TMEM117: variants seen among roughly 807,000 people sequenced by gnomAD.
The protein encoded by TMEM117 is transmembrane protein 117.
TMEM117 carries 27 observed loss-of-function variants against 52.4 expected under a neutral mutation model. That is an observed-to-expected ratio of 0.51 (90% CI 0.38 to 0.71). The LOEUF is 0.71. TMEM117 is among the 30% of genes least tolerant of loss of function. The pLI is 0.00. For synonymous variants in TMEM117, 215 were observed against 206.3 expected (o/e 1.04, Z -0.36); for missense variants, 556 against 630.5 (o/e 0.88, Z 1.26).
intron 4 of TMEM117, among the ~76,000 whole-genome samples, chr12:44,197,100 G>A (rs1949430900): frequency 6.6e-6 from 1 of 152,064 alleles, no homozygotes; most frequent in Admixed American, 6.6e-5. Context: ...TAACTCTTTT[G>A]GCTCCATCAT....
chr12:43,905,609 G>C (rs1418518175), intron 2 of TMEM117, among the ~76,000 whole-genome samples: 1 of 152,142 alleles, frequency 6.6e-6, no homozygotes. Flanking sequence ...TTGATCTGCA[G>C]CTTGAGAGTG....
intron 3 of TMEM117, among the ~76,000 whole-genome samples, chr12:44,020,099 G>A (rs1054301811): frequency 6.6e-6 from 1 of 152,050 alleles, no homozygotes; most frequent in Non-Finnish European, 1.5e-5. Context: ...TTTAAATTCA[G>A]AACAAACCAG....
At chr12:43,912,950 C>A (rs1486115065) in intron 2 of TMEM117, among the ~76,000 whole-genome samples, 1 of 152,056 alleles carries the variant, frequency 6.6e-6, no homozygotes. Flanking sequence ...TAAAAGCTAT[C>A]CTAGGCTTTG....
At chr12:44,205,603 A>C (rs1038951121) in intron 4 of TMEM117, among the ~76,000 whole-genome samples, 3 of 152,244 alleles carry the variant, frequency 2.0e-5, no homozygotes, top group Non-Finnish European at 2.9e-5. Flanking sequence ...TGGGCAAAGG[A>C]CATGAACAGA....
chr12:44,001,857 A>C (rs1473568262), intron 3 of TMEM117, among the ~76,000 whole-genome samples: 7 of 152,172 alleles, frequency 4.6e-5, no homozygotes, highest in Admixed American at 4.6e-4. Context: ...AATATTTGGC[A>C]CAGAAATCTC....
rs900116837 is a variant in TMEM117, at chr12:44,388,736, C to A, written c.*64C>A. The A allele has an allele frequency of 1.3e-5, 20 of 1,552,978 alleles. No individual in the cohort carries two copies. The highest frequency in any genetic ancestry group is 1.7e-5 in the Non-Finnish European group (19 of 1,148,640). On this transcript the variant is annotated 3_prime_UTR_variant, in exon 8 of 8. Transcript: ENST00000266534. ...TTGAGTGTAACTTTAAAAATTTAGT[C>A]TTTCCTTTTGTATATGTAAGGTTTA...
the TMEM117 span, chr12:43,800,445 C>A: frequency 1.9e-6 from 3 of 1,612,226 alleles, no homozygotes; most frequent in East Asian, 6.7e-5. Context: ...CTTTACTGTT[C>A]CAAATACTTC....
At chr12:44,035,393 G>A (rs907080637) in intron 3 of TMEM117, among the ~76,000 whole-genome samples, 27 of 152,110 alleles carry the variant, frequency 1.8e-4, no homozygotes, top group Admixed American at 5.2e-4. Flanking sequence ...TACTGTATGC[G>A]CAATGCTGGA....
At chr12:44,209,623 A>G (rs1051326997) in intron 4 of TMEM117, among the ~76,000 whole-genome samples, 1 of 152,096 alleles carries the variant, frequency 6.6e-6, no homozygotes, top group African/African-American at 2.4e-5. Flanking sequence ...GAAGCCACAA[A>G]TTATTGTAGG....
intron 4 of TMEM117, among the ~76,000 whole-genome samples, chr12:44,160,376 T>A (rs970889881): frequency 1.3e-5 from 2 of 152,172 alleles, no homozygotes; most frequent in Non-Finnish European, 2.9e-5. Context: ...AAAAGGAAAT[T>A]ACTAGTTACA....
intron 3 of TMEM117, among the ~76,000 whole-genome samples, chr12:43,972,489 G>A (rs1470281190): frequency 6.6e-6 from 1 of 152,232 alleles, no homozygotes; most frequent in Non-Finnish European, 1.5e-5. Context: ...GGGGATGCAA[G>A]TGGGTTGCCG....
chr12:43,887,041 G>A (rs188111312), intron 2 of TMEM117, among the ~76,000 whole-genome samples: 469 of 152,256 alleles, frequency 3.1e-3, no homozygotes, highest in Non-Finnish European at 4.9e-3. Context: ...TAGAGATGGG[G>A]TTTTACCATG....
chr12:44,395,494 A>G, the TMEM117 span, among the ~76,000 whole-genome samples: 9 of 152,250 alleles, frequency 5.9e-5, no homozygotes, highest in East Asian at 1.7e-3. Context: ...TGTAAATCCG[A>G]TTGTAACACT....
rs117975256 is a variant in TMEM117 at position 43,902,286 on chromosome 12, C to T, written c.278-41924C>T. On this transcript the variant is annotated intron_variant, in intron 2 of 7. Coordinates refer to ENST00000266534, the MANE Select transcript of TMEM117 (RefSeq NM_032256.3). The stretch of plus-strand genomic sequence containing the variant: ...TTTCAGGAAGATACTTTATGGTATC[C>T]AGAGAGCTGACATAATGGTTTTATC... Among the ~76,000 whole-genome samples the T allele has an allele frequency of 7.0e-3, 1,071 of 152,184 alleles. 4 individuals carry two copies. The highest frequency in any genetic ancestry group is 0.01 in the Non-Finnish European group (683 of 68,006).
At chr12:44,375,621 A>G (rs533401042) in intron 6 of TMEM117, among the ~76,000 whole-genome samples, 2 of 152,318 alleles carry the variant, frequency 1.3e-5, no homozygotes, top group South Asian at 4.1e-4. Flanking sequence ...ATTTCTTTAT[A>G]TTGATGTAAT....
intron 3 of TMEM117, among the ~76,000 whole-genome samples, chr12:44,060,939 G>A (rs1947129681): frequency 2.0e-5 from 3 of 152,158 alleles, no homozygotes; most frequent in South Asian, 4.1e-4. Flanking sequence ...CATGTTTGGT[G>A]GGGGAGAGTT....
At chr12:44,131,484 T>C (rs1236378807) in intron 3 of TMEM117, among the ~76,000 whole-genome samples, 1 of 152,142 alleles carries the variant, frequency 6.6e-6, no homozygotes, top group East Asian at 1.9e-4. Context: ...TTTTTCTCTA[T>C]ATATCCATTA....
chr12:43,937,283 G>A (rs548364430), intron 2 of TMEM117, among the ~76,000 whole-genome samples: 55 of 152,298 alleles, frequency 3.6e-4, no homozygotes, highest in South Asian at 6.2e-4. Flanking sequence ...ATTTGAAATA[G>A]ATATTAAGGA....
rs78178921 is a variant in TMEM117, at chr12:43,992,460, T to C, written c.410+48118T>C. 1.4e-3 allele frequency among the ~76,000 whole-genome samples: 208 copies of C among 152,128 alleles called. 3 individuals are homozygous for C. In the East Asian group the frequency reaches 0.024, roughly 17 times the overall value. ...TTTCTTTTTTGTTTTTTAAACTTTT[T>C]GTAGACACGGGTCTCACCATGTTGC... On this transcript the variant is annotated intron_variant, in intron 3 of 7. Transcript: ENST00000266534.
Sources: allele counts gnomAD v4.1 joint callset (sites outside exome capture counted in the v4.1 genomes callset), GRCh38; gene constraint gnomAD v4.1.1; transcripts MANE v1.5; gene names NCBI Gene and HGNC (gene_info 2026-07-23, HGNC 2026-07-21).